Variants in TOM1L1 observed in about 807,000 individuals in gnomAD.
TOM1L1 encodes target of myb1 like 1 membrane trafficking protein.
Under a neutral mutation model 63.4 loss-of-function variants are expected in TOM1L1, and 64 were observed. That is an observed-to-expected ratio of 1.01 (90% CI 0.83 to 1.24). TOM1L1 has a LOEUF of 1.24. Among genes scored for constraint, TOM1L1 ranks in the 50% most tolerant of loss-of-function variants. The probability of loss-of-function intolerance (pLI) is 0.00; values close to 1 mark genes in which losing one functional copy is unlikely to be tolerated. For missense variants in TOM1L1, 536 were observed against 567.0 expected (o/e 0.95, Z 0.55); for synonymous variants, 166 against 194.4 (o/e 0.85, Z 1.22).
chr17:54,959,753 G>C (rs1394253066), intron 14 of TOM1L1, among the ~76,000 whole-genome samples: 1 of 151,968 alleles, frequency 6.6e-6, no homozygotes, highest in Non-Finnish European at 1.5e-5. Context: ...GAGTACCTGG[G>C]ACTACAGGTG....
At chr17:54,926,417 T>C (rs930016016) in intron 7 of TOM1L1, among the ~76,000 whole-genome samples, 4 of 152,172 alleles carry the variant, frequency 2.6e-5, no homozygotes, top group African/African-American at 9.7e-5. Context: ...CCTCTTATCT[T>C]GAATAGCTGA....
At chr17:54,911,595 T>C (rs532205445) in intron 3 of TOM1L1, among the ~76,000 whole-genome samples, 1 of 152,354 alleles carries the variant, frequency 6.6e-6, no homozygotes, top group Admixed American at 6.5e-5. Flanking sequence ...TCAGTCATCT[T>C]CCTTTTTTGA....
intron 14 of TOM1L1, chr17:54,955,247 G>A (rs749131949): frequency 2.2e-4 from 33 of 152,222 alleles, no homozygotes; most frequent in African/African-American, 9.7e-5. Context: ...GATCATGTTC[G>A]GTCCGGGCAG....
intron 9 of TOM1L1, 129 bp downstream of exon 9, chr17:54,936,838 G>T: frequency 1.3e-6 from 1 of 779,372 alleles, no homozygotes; most frequent in Non-Finnish European, 2.1e-6. Flanking sequence ...TGGTTTTAAT[G>T]GTATAGATTA....
intron 14 of TOM1L1, chr17:54,952,296 G>A (rs755284201): frequency 3.9e-5 from 6 of 152,152 alleles, no homozygotes; most frequent in Admixed American, 6.5e-5. Context: ...GCTCACCCCT[G>A]TAATCCCAGC....
intron 13 of TOM1L1, 150 bp from the exon 14 acceptor site, chr17:54,949,895 T>C (rs1477108220): frequency 7.3e-6 from 5 of 682,262 alleles, no homozygotes; most frequent in Non-Finnish European, 9.9e-6. Context: ...TACAGATTTG[T>C]TGAACTTGGG....
At chr17:54,922,053 G>A (rs567834179) in intron 7 of TOM1L1, among the ~76,000 whole-genome samples, 2 of 152,148 alleles carry the variant, frequency 1.3e-5, no homozygotes, top group Non-Finnish European at 2.9e-5. Context: ...AGCACTTTGG[G>A]AGGCCGAGGC....
chr17:54,946,988 C>G (rs560429033), intron 11 of TOM1L1, among the ~76,000 whole-genome samples: 1 of 152,140 alleles, frequency 6.6e-6, no homozygotes, highest in Non-Finnish European at 1.5e-5. Flanking sequence ...CTTTAAGAAA[C>G]GATGGGGTGG....
chr17:54,953,932 A>G lies in TOM1L1; in HGVS notation c.1370+3806A>G, dbSNP rs201143060. On this transcript the variant is annotated intron_variant, in intron 14 of 15. Coordinates refer to ENST00000575882, the MANE Select transcript of TOM1L1 (RefSeq NM_005486.3). ...AATTCTGGAGGCATTCTTATTATCA[A>G]TTTAGGAATGCTGATGGATTTTCAT... is the stretch of plus-strand genomic sequence containing the variant. 7.2e-5 allele frequency: 11 copies of G among 152,132 alleles called. No homozygotes were observed. In the East Asian group the frequency reaches 1.5e-3, roughly 21 times the overall value. 9.4% of individuals were successfully genotyped at this position (152,132 alleles called of 1,614,324 possible).
At chr17:54,926,996 A>G (rs1419102501) in intron 7 of TOM1L1, among the ~76,000 whole-genome samples, 3 of 152,234 alleles carry the variant, frequency 2.0e-5, no homozygotes, top group Non-Finnish European at 4.4e-5. Context: ...CAAGTCCTGT[A>G]CTATTTGCAG....
At chr17:54,909,370 G>T (rs970661629) in intron 3 of TOM1L1, among the ~76,000 whole-genome samples, 1 of 152,202 alleles carries the variant, frequency 6.6e-6, no homozygotes, top group East Asian at 1.9e-4. Flanking sequence ...ATAGAGTGGG[G>T]TAGTCACCTT....
At chr17:54,957,927 T>C (rs185856270) in intron 14 of TOM1L1, 1 of 152,320 alleles carries the variant, frequency 6.6e-6, no homozygotes, top group African/African-American at 2.4e-5. Flanking sequence ...TTACAAAATT[T>C]GTGTTAATGT....
chr17:54,916,122 T>C lies in TOM1L1; in HGVS notation c.720+260T>C, dbSNP rs2048585005. On this transcript the variant is annotated intron_variant, in intron 7 of 15. Coordinates refer to ENST00000575882, the MANE Select transcript of TOM1L1 (RefSeq NM_005486.3). ...CCTTGGTCATGTACAATCAATTCTCTAGTTGTTTTAAGTATGTAAAAATTG... is the reference window on the plus strand; with the variant it reads ...CCTTGGTCATGTACAATCAATTCTCCAGTTGTTTTAAGTATGTAAAAATTG... 3 of 422,308 alleles carry C rather than the reference T, an allele frequency of 7.1e-6. No homozygotes were observed. The East Asian group carries it at 1.1e-4, about 15-fold the overall frequency. 26.2% of individuals were successfully genotyped at this position (422,308 alleles called of 1,614,324 possible). A position where few individuals can be genotyped will look rare whatever the true frequency, so the allele number is the denominator to read the frequency against.
chr17:54,925,672 G>A (rs959989048), intron 7 of TOM1L1, among the ~76,000 whole-genome samples: 1 of 152,186 alleles, frequency 6.6e-6, no homozygotes, highest in African/African-American at 2.4e-5. Flanking sequence ...GGGAGGCCAA[G>A]GTGGGCAGAT....
At chr17:54,951,932 A>C (rs1042062861) in intron 14 of TOM1L1, 1 of 152,220 alleles carries the variant, frequency 6.6e-6, no homozygotes, top group Admixed American at 6.5e-5. Flanking sequence ...ATTACTTAGC[A>C]CAAGTAAATT....
intron 11 of TOM1L1, among the ~76,000 whole-genome samples, chr17:54,944,770 C>T (rs559846041): frequency 6.6e-6 from 1 of 152,308 alleles, no homozygotes; most frequent in Admixed American, 6.5e-5. Flanking sequence ...CTACATTCAT[C>T]GGAGTTGCAG....
intron 8 of TOM1L1, among the ~76,000 whole-genome samples, chr17:54,933,118 C>T (rs1017694744): frequency 6.6e-6 from 1 of 152,146 alleles, no homozygotes; most frequent in Non-Finnish European, 1.5e-5. Flanking sequence ...AACTTAGTGG[C>T]TTATCCTCTG....
rs113571290 is a variant in TOM1L1 at position 54,930,496 on chromosome 17, G to A, written c.854+290G>A. 991 of 287,046 alleles carry A rather than the reference G, an allele frequency of 3.5e-3. 12 individuals are homozygous for A. Among genetic ancestry groups the A allele is most frequent in the African/African-American group, 0.019 (882 of 45,544 alleles). The allele number at this position is 287,046 out of a possible 1,614,324, so 17.8% of individuals were successfully genotyped here. On this transcript the variant is annotated intron_variant, in intron 8 of 15. Coordinates refer to ENST00000575882, the MANE Select transcript of TOM1L1 (RefSeq NM_005486.3). The stretch of plus-strand genomic sequence containing the variant: ...GAGGCAGGAGGATCACTTGAGCCCA[G>A]GAATTCCAGACCAGCCCTGACAACA...
chr17:54,908,600 G>A (rs1395523140), intron 3 of TOM1L1, among the ~76,000 whole-genome samples: 4 of 152,266 alleles, frequency 2.6e-5, no homozygotes, highest in Admixed American at 6.5e-5. Context: ...TGAGTTCTCC[G>A]TGGACGTGTT....
Sources: gnomAD v4.1 joint callset for allele counts (sites outside exome capture counted in the v4.1 genomes callset) on GRCh38, gnomAD v4.1.1 for gene constraint, MANE v1.5 for transcripts, NCBI Gene and HGNC (gene_info 2026-07-23, HGNC 2026-07-21) for gene names.